KLHL31: variants seen among roughly 807,000 people sequenced by gnomAD.
KLHL31 encodes kelch-like protein 31.
In KLHL31, 32 loss-of-function variants were observed where a neutral mutation model predicts 47.1. The ratio of observed to expected loss-of-function variants is 0.68; its 90% CI spans 0.51 to 0.91. The LOEUF is 0.91. Ranked by LOEUF, KLHL31 falls within the 40% of genes least tolerant of loss-of-function variation. The pLI is 0.00. For missense variants in KLHL31, 797 were observed against 819.3 expected (o/e 0.97, Z 0.33); for synonymous variants, 330 against 325.1 (o/e 1.01, Z -0.16).
chr6:53,657,948 C>G (rs745823214), intron 1 of KLHL31, among the ~76,000 whole-genome samples: 1 of 151,986 alleles, frequency 6.6e-6, no homozygotes, highest in Non-Finnish European at 1.5e-5. Flanking sequence ...TCTTTTTTTG[C>G]AAACAATGCA....
chr6:53,660,835 G>A (rs542411015), intron 1 of KLHL31, among the ~76,000 whole-genome samples: 4 of 152,090 alleles, frequency 2.6e-5, no homozygotes, highest in Admixed American at 6.5e-5. Context: ...AAAAGAAACC[G>A]TTGAAATCAA....
At chr6:53,660,739 G>A (rs1261930822) in intron 1 of KLHL31, among the ~76,000 whole-genome samples, 6 of 152,164 alleles carry the variant, frequency 3.9e-5, no homozygotes, top group African/African-American at 4.8e-5. Context: ...ACTTGAACCC[G>A]GGAGACAACA....
At position 53,651,968 on chromosome 6, in the gene KLHL31, C is replaced by T; in HGVS notation, c.1535G>A (p.Ser512Asn). 6.3e-7 allele frequency: 1 copy of T among 1,593,406 alleles called. No individual in the cohort carries two copies. The highest frequency in any genetic ancestry group is 8.5e-7 in the Non-Finnish European group (1 of 1,176,256). ...GCCGCCCATCACGTACACTCTGTCG[C>T]TCAGCGTGACCGCGCAGTGCCAGCC... ...PRGWHCAVTL[S>N]DRVYVMGGSQ... is the part of the protein sequence containing the mutation. Residue 512 changes from serine (S) to asparagine (N), a missense_variant, in exon 3 of 3, where the codon AGC (serine) becomes AAC (asparagine). By Grantham distance (46) the Ser-to-Asn change is conservative. Transcript: ENST00000370905.
rs1383300370 is a variant in KLHL31 at position 53,649,011 on chromosome 6, T to C, written c.*2587A>G. On this transcript the variant is annotated 3_prime_UTR_variant, in exon 3 of 3. Coordinates refer to ENST00000370905, the MANE Select transcript of KLHL31 (RefSeq NM_001003760.5). The stretch of plus-strand genomic sequence containing the variant: ...ATAAAAAATAAAAGGAAGTATATGG[T>C]TGGGTCCTAAGACTCTGGAGTAATT... 1 of 152,110 alleles carries C rather than the reference T, an allele frequency of 6.6e-6. No individual in the cohort carries two copies. The highest frequency in any genetic ancestry group is 1.5e-5 in the Non-Finnish European group (1 of 67,976). The allele number at this position is 152,110 out of a possible 1,614,324, so 9.4% of individuals were successfully genotyped here.
chr6:53,655,324 A>T lies in KLHL31; in HGVS notation c.-33-19T>A, dbSNP rs1263524267. On this transcript the variant is annotated intron_variant, in intron 1 of 2. Coordinates refer to ENST00000370905, the MANE Select transcript of KLHL31 (RefSeq NM_001003760.5). The stretch of plus-strand genomic sequence containing the variant: ...GAGCTTGCTAAAAAGAGAAAAAAAA[A>T]AACATGGTTTTGTTTTAATTGTGCT... 1.9e-5 allele frequency: 24 copies of T among 1,285,302 alleles called. No homozygotes were observed. Among genetic ancestry groups the T allele is most frequent in the Non-Finnish European group, 2.5e-5 (24 of 951,206 alleles). 79.6% of individuals were successfully genotyped at this position (1,285,302 alleles called of 1,614,324 possible). A position where few individuals can be genotyped will look rare whatever the true frequency, so the allele number is the denominator to read the frequency against.
Position 53,651,409 on chromosome 6 carries a change from A to AAAAAAAG in KLHL31, c.*188_*189insCTTTTTT. 3.6e-6 allele frequency: 1 copy of AAAAAAAG among 278,342 alleles called. No individual in the cohort carries two copies. The highest frequency in any genetic ancestry group is 7.2e-5 in the East Asian group (1 of 13,888). The allele number at this position is 278,342 out of a possible 1,614,324, so 17.2% of individuals were successfully genotyped here. On this transcript the variant is annotated 3_prime_UTR_variant, in exon 3 of 3. Transcript: ENST00000370905. The stretch of plus-strand genomic sequence containing the variant: ...TGCCCTGTATTTTGCTAAAAAAAAA[A>AAAAAAAG]AAAAAAAAAAGAGGTAGATTATGCC...
chr6:53,661,527 T>C (rs1764645360), intron 1 of KLHL31, among the ~76,000 whole-genome samples: 1 of 152,120 alleles, frequency 6.6e-6, no homozygotes, highest in South Asian at 2.1e-4. Flanking sequence ...AGCAAAGTAA[T>C]ATATATGTAC....
intron 1 of KLHL31, among the ~76,000 whole-genome samples, chr6:53,656,517 T>C (rs1365257955): frequency 6.6e-6 from 1 of 152,134 alleles, no homozygotes; most frequent in Non-Finnish European, 1.5e-5. Context: ...TGTGTAGATA[T>C]ATACAGTATA....
intron 1 of KLHL31, among the ~76,000 whole-genome samples, chr6:53,662,927 T>G (rs935147844): frequency 1.3e-5 from 2 of 152,228 alleles, no homozygotes; most frequent in Non-Finnish European, 2.9e-5. Context: ...AACAGCTATA[T>G]AGCTAGCATT....
In KLHL31 at chr6:53,654,560, A is replaced by G. The variant is rs149644917; in HGVS notation, c.713T>C (p.Met238Thr). The stretch of plus-strand genomic sequence containing the variant: ...CTTTTGGTCAAATTCTAACCATTTC[A>G]TTGCAATCTGGAATGCTACTATCTC... ...PSEIVAFQIA[M>T]KWLEFDQKRV... The change falls in exon 2 of 3, where the codon ATG (methionine) becomes ACG (threonine). Residue 238 changes from methionine (M) to threonine (T), a missense_variant. Physicochemically the swap from Met to Thr is moderately conservative, Grantham distance 81 (BLOSUM62 -1). Transcript: ENST00000370905. 812 of 1,614,170 alleles carry G rather than the reference A, an allele frequency of 5.0e-4. 1 individual carries two copies. Among genetic ancestry groups the G allele is most frequent in the South Asian group, 4.6e-4 (42 of 91,080 alleles).
At chr6:53,655,900 C>A (rs566219718) in intron 1 of KLHL31, among the ~76,000 whole-genome samples, 1 of 152,112 alleles carries the variant, frequency 6.6e-6, no homozygotes, top group East Asian at 1.9e-4. Flanking sequence ...AGCCACTATA[C>A]CCAACCAACA....
intron 1 of KLHL31, among the ~76,000 whole-genome samples, chr6:53,662,588 C>T (rs1374935993): frequency 6.6e-6 from 1 of 152,140 alleles, no homozygotes; most frequent in East Asian, 1.9e-4. Context: ...CCACAGCCTC[C>T]TCTCCCTCTG....
chr6:53,661,739 G>A (rs1764648944), intron 1 of KLHL31, among the ~76,000 whole-genome samples: 2 of 152,136 alleles, frequency 1.3e-5, no homozygotes, highest in Admixed American at 1.3e-4. Flanking sequence ...TTTATTCTAC[G>A]ATGATACAAA....
rs1764528887 is a variant in KLHL31, at chr6:53,654,674, A to T, written c.599T>A (p.Leu200His). 6.2e-7 allele frequency: 1 copy of T among 1,614,226 alleles called. No homozygotes were observed. The highest frequency in any genetic ancestry group is 8.5e-7 in the Non-Finnish European group (1 of 1,180,032). ...AAQKFIRDNF[L>H]EFAESDQFMK... ...AAACTGATCCGATTCTGCAAATTCAAGGAAGTTATCCCGAATAAATTTCTG... is the reference window on the plus strand; with the variant it reads ...AAACTGATCCGATTCTGCAAATTCATGGAAGTTATCCCGAATAAATTTCTG... Residue 200 changes from leucine (L) to histidine (H), a missense_variant, in exon 2 of 3, where the codon CTT becomes CAT. Leu to His is a moderately conservative substitution (Grantham distance 99). Transcript: ENST00000370905.
In KLHL31 at chr6:53,654,787, A is replaced by G. The variant is rs1338367375; in HGVS notation, c.486T>C (p.Phe162=). The G allele has an allele frequency of 2.5e-6, 4 of 1,614,140 alleles. No individual in the cohort carries two copies. Among genetic ancestry groups the G allele is most frequent in the Non-Finnish European group, 3.4e-6 (4 of 1,180,016 alleles). Residue 162 remains phenylalanine, a synonymous_variant, in exon 2 of 3, where the codon TTT becomes TTC. Transcript: ENST00000370905. ...IHTLVKMCSD[F]LIREMSVENC... is the part of the protein sequence containing the mutation. Reference sequence around the variant, plus strand: ...TCTCAACACTCATCTCCCGTATCAGAAAATCACTGCACATCTTTACAAGAG... The same window carrying G: ...TCTCAACACTCATCTCCCGTATCAGGAAATCACTGCACATCTTTACAAGAG...
At chr6:53,652,743 G>A (rs1764495906) in intron 2 of KLHL31, among the ~76,000 whole-genome samples, 1 of 152,150 alleles carries the variant, frequency 6.6e-6, no homozygotes, top group Admixed American at 6.5e-5. Flanking sequence ...GAAGGGCATC[G>A]CCATATTAAA....
Position 53,651,179 on chromosome 6 carries a change from GA to G in KLHL31, c.*418del, listed in dbSNP as rs1183752565. ...ATATGAATATCTTCAACTTCCTAAA[GA>G]AAAAAGAGAGAGAGGAAAATAAACT... On this transcript the variant is annotated 3_prime_UTR_variant, in exon 3 of 3. Coordinates refer to ENST00000370905, the MANE Select transcript of KLHL31 (RefSeq NM_001003760.5). 1 of 153,320 alleles carries G rather than the reference GA, an allele frequency of 6.5e-6. No homozygotes were observed. The highest frequency in any genetic ancestry group is 1.9e-4 in the East Asian group (1 of 5,200). 9.5% of individuals were successfully genotyped at this position (153,320 alleles called of 1,614,324 possible). A position where few individuals can be genotyped will look rare whatever the true frequency, so the allele number is the denominator to read the frequency against.
intron 2 of KLHL31, 51 bp from the exon 3 acceptor site, chr6:53,652,381 C>T: frequency 6.2e-7 from 1 of 1,603,646 alleles, no homozygotes; most frequent in Non-Finnish European, 8.5e-7. Flanking sequence ...AGCTGGGGAC[C>T]CCATGTTACT....
chr6:53,657,747 A>C (rs1289119054), intron 1 of KLHL31, among the ~76,000 whole-genome samples: 26 of 151,494 alleles, frequency 1.7e-4, no homozygotes, highest in Non-Finnish European at 4.4e-5. Context: ...TGTATGTGTT[A>C]AAGTAATTTT....
Sources: gnomAD v4.1 joint callset for allele counts (sites outside exome capture counted in the v4.1 genomes callset) on GRCh38, gnomAD v4.1.1 for gene constraint, MANE v1.5 for transcripts, NCBI Gene and HGNC (gene_info 2026-07-23, HGNC 2026-07-21) for gene names.